The following MGAM2 variants were observed in gnomAD, a reference collection of about 807,000 sequenced individuals.
MGAM2 encodes the protein maltase-glucoamylase 2 (putative).
In MGAM2, 98 loss-of-function variants were observed where a neutral mutation model predicts 96.1. The ratio of observed to expected loss-of-function variants is 1.02; its 90% CI spans 0.87 to 1.21. The LOEUF (loss-of-function observed/expected upper bound fraction) is 1.21, where lower values mean the gene tolerates loss of function less well. MGAM2 is among the 50% of genes most tolerant of loss of function. The pLI, the probability that MGAM2 is intolerant of heterozygous loss-of-function variation, is 0.00. For missense variants in MGAM2, 2,055 were observed against 1,182.4 expected, an observed-to-expected ratio of 1.74 and a Z score of -10.82; for synonymous variants, 749 against 414.8, an observed-to-expected ratio of 1.81 and a Z score of -9.79.
Position 142,161,153 on chromosome 7 carries a change from G to A in MGAM2, c.2374G>A (p.Ala792Thr), listed in dbSNP as rs767610531. 5.0e-5 allele frequency: 35 copies of A among 702,508 alleles called. 2 individuals are homozygous for A. The highest frequency in any genetic ancestry group is 2.8e-4 in the Admixed American group (14 of 49,984). The allele number at this position is 702,508 out of a possible 1,614,324, so 43.5% of individuals were successfully genotyped here. Reference sequence around the variant, plus strand: ...GAGGAATTCCCTGGGACTCATCATCGCCTTGGACTATAAGAGAGAAGCAAA... The same window carrying A: ...GAGGAATTCCCTGGGACTCATCATCACCTTGGACTATAAGAGAGAAGCAAA... ...SRRNSLGLII[A>T]LDYKREAKGE... Residue 792 changes from alanine (A) to threonine (T), a missense_variant, in exon 22 of 48, where the codon GCC becomes ACC. By Grantham distance (58) the Ala-to-Thr change is moderately conservative. Transcript: ENST00000477922.
rs1317199479 is a variant in MGAM2, at chr7:142,138,640, C to G, written c.1059C>G (p.Ser353Arg). 8.5e-6 allele frequency: 6 copies of G among 702,728 alleles called. No homozygotes were observed. The highest frequency in any genetic ancestry group is 2.0e-5 in the Admixed American group (1 of 49,976). 43.5% of individuals were successfully genotyped at this position (702,728 alleles called of 1,614,324 possible). The change falls in exon 10 of 48, where the codon AGC (serine) becomes AGG (arginine). Residue 353 changes from serine (S) to arginine (R), a missense_variant. Coordinates refer to ENST00000477922, the MANE Select transcript of MGAM2 (RefSeq NM_001293626.2). The part of the protein sequence containing the change: ...GGINKLKEVV[S>R]RNRLAEIPYD... ...TCAATAAATTGAAAGAAGTTGTAAG[C>G]CGAAATCGTTTAGCTGAGATACCAT...
rs781664787 is a variant in MGAM2 at position 142,160,202 on chromosome 7, T to G, written c.2289T>G (p.His763Gln). Reference protein sequence around the residue: ...MLLPGDKIGLHLRGGYIFPTQ... With the variant: ...MLLPGDKIGLQLRGGYIFPTQ... Reference sequence around the variant, plus strand: ...TCCCAGGTGACAAGATAGGACTTCATCTGCGAGGGGGCTACATATTTCCCA... The same window carrying G: ...TCCCAGGTGACAAGATAGGACTTCAGCTGCGAGGGGGCTACATATTTCCCA... Residue 763 changes from histidine to glutamine, a missense_variant, in exon 21 of 48, where the codon CAT (histidine) becomes CAG (glutamine). His to Gln is a conservative substitution (Grantham distance 24). Coordinates refer to ENST00000477922, the MANE Select transcript of MGAM2 (RefSeq NM_001293626.2). 1 of 702,734 alleles carries G rather than the reference T, an allele frequency of 1.4e-6. No individual in the cohort carries two copies. Among genetic ancestry groups the G allele is most frequent in the Non-Finnish European group, 2.6e-6 (1 of 384,846 alleles). The allele number at this position is 702,734 out of a possible 1,614,324, so 43.5% of individuals were successfully genotyped here. A position where few individuals can be genotyped will look rare whatever the true frequency, so the allele number is the denominator to read the frequency against.
At chr7:142,194,115 C>T (rs1796953514) in intron 37 of MGAM2, among the ~76,000 whole-genome samples, 2 of 151,946 alleles carry the variant, frequency 1.3e-5, no homozygotes, top group African/African-American at 4.8e-5. Flanking sequence ...TCACTGCAAC[C>T]TCCATCTCCT....
chr7:142,158,269 G>A lies in MGAM2; in HGVS notation c.2100G>A (p.Thr700=), dbSNP rs745884202. 6.7e-5 allele frequency: 47 copies of A among 702,990 alleles called. No individual in the cohort carries two copies. Among genetic ancestry groups the A allele is most frequent in the African/African-American group, 3.7e-4 (21 of 57,350 alleles). 43.5% of individuals were successfully genotyped at this position (702,990 alleles called of 1,614,324 possible). The change falls in exon 19 of 48, where the codon ACG becomes ACA. Residue 700 remains threonine, a synonymous_variant. Coordinates refer to ENST00000477922, the MANE Select transcript of MGAM2 (RefSeq NM_001293626.2). ...LVHEFYQDSA[T]WDVHEQFLWG... The stretch of plus-strand genomic sequence containing the variant: ...CTAGGTTCTACCAGGACTCAGCCAC[G>A]TGGGATGTGCATGAGCAGTTCTTAT...
chr7:142,132,463 AT>A (rs1794919363), intron 6 of MGAM2, among the ~76,000 whole-genome samples: 1 of 139,980 alleles, frequency 7.1e-6, no homozygotes, highest in African/African-American at 2.6e-5. Context: ...TTATATTTAA[AT>A]TATAAAATTA....
intron 31 of MGAM2, among the ~76,000 whole-genome samples, chr7:142,175,276 A>C (rs1410798547): frequency 6.6e-6 from 1 of 152,232 alleles, no homozygotes; most frequent in South Asian, 2.1e-4. Context: ...AACCCCAGAT[A>C]TACAATCCTG....
In MGAM2 at chr7:142,172,093, C is replaced by A; in HGVS notation, c.3352-5C>A. 2 of 720,410 alleles carry A rather than the reference C, an allele frequency of 2.8e-6. No homozygotes were observed. Among genetic ancestry groups the A allele is most frequent in the East Asian group, 2.6e-5 (1 of 38,946 alleles). The allele number at this position is 720,410 out of a possible 1,614,324, so 44.6% of individuals were successfully genotyped here. A position where few individuals can be genotyped will look rare whatever the true frequency, so the allele number is the denominator to read the frequency against. On this transcript the variant is annotated splice_polypyrimidine_tract_variant and splice_region_variant and intron_variant, in intron 28 of 47. Coordinates refer to ENST00000477922, the MANE Select transcript of MGAM2 (RefSeq NM_001293626.2). Reference sequence around the variant, plus strand: ...CTTTTTGTTTATTACCCTCGTGACTCCCAGTACAAGAAGAATTCCTATGGT... The same window carrying A: ...CTTTTTGTTTATTACCCTCGTGACTACCAGTACAAGAAGAATTCCTATGGT...
intron 3 of MGAM2, 47 bp downstream of exon 3, chr7:142,120,428 A>T (rs1291788268): frequency 1.4e-6 from 1 of 697,548 alleles, no homozygotes; most frequent in African/African-American, 1.8e-5. Context: ...GTGTTATTGA[A>T]AAGAAATGAA....
intron 46 of MGAM2, among the ~76,000 whole-genome samples, chr7:142,217,856 C>T (rs900828546): frequency 6.6e-6 from 1 of 152,086 alleles, no homozygotes; most frequent in Non-Finnish European, 1.5e-5. Flanking sequence ...GAGGCCGAGG[C>T]AGGAGGATCA....
At chr7:142,132,805 GTATAA>G (rs1305312364) in intron 6 of MGAM2, among the ~76,000 whole-genome samples, 2 of 122,538 alleles carry the variant, frequency 1.6e-5, no homozygotes, top group African/African-American at 3.3e-5. Context: ...ATATAATTAT[GTATAA>G]TATAATATAT....
chr7:142,214,965 G>T (rs144011096), intron 46 of MGAM2, among the ~76,000 whole-genome samples: 291 of 152,120 alleles, frequency 1.9e-3, no homozygotes, highest in African/African-American at 6.7e-3. Context: ...ATACCCAAAG[G>T]GTTATAAATC....
chr7:142,184,298 C>T (rs1341937182), intron 33 of MGAM2, among the ~76,000 whole-genome samples: 1 of 152,098 alleles, frequency 6.6e-6, no homozygotes, highest in African/African-American at 2.4e-5. Context: ...ATATTACCTT[C>T]TCAACTTACC....
At chr7:142,180,435 G>A (rs766259778) in intron 32 of MGAM2, among the ~76,000 whole-genome samples, 1 of 152,066 alleles carries the variant, frequency 6.6e-6, no homozygotes, top group Non-Finnish European at 1.5e-5. Flanking sequence ...TTCTAGATGT[G>A]AAGTTGGATT....
At chr7:142,176,645 G>C (rs1043455319) in intron 32 of MGAM2, among the ~76,000 whole-genome samples, 1 of 151,842 alleles carries the variant, frequency 6.6e-6, no homozygotes, top group African/African-American at 2.4e-5. Context: ...GGCAGGTATG[G>C]GATGGAGTGA....
chr7:142,141,060 A>C lies in MGAM2; in HGVS notation c.1258A>C (p.Asn420His). ...ISKNSNYEPY[N>H]NGSLKRVWIL... Reference sequence around the variant, plus strand: ...CAAAAACTCTAACTACGAGCCCTATAATAATGGAAGCCTAAAGAGAGTGTG... The same window carrying C: ...CAAAAACTCTAACTACGAGCCCTATCATAATGGAAGCCTAAAGAGAGTGTG... Residue 420 changes from asparagine to histidine, a missense_variant, in exon 12 of 48, where the codon AAT becomes CAT. Physicochemically the swap from Asn to His is moderately conservative, Grantham distance 68 (BLOSUM62 1). Transcript: ENST00000477922. 1.4e-6 allele frequency: 1 copy of C among 702,030 alleles called. No individual in the cohort carries two copies. Among genetic ancestry groups the C allele is most frequent in the South Asian group, 1.5e-5 (1 of 67,100 alleles). 43.5% of individuals were successfully genotyped at this position (702,030 alleles called of 1,614,324 possible).
chr7:142,220,570 T>C lies in MGAM2; in HGVS notation c.6059T>C (p.Ile2020Thr). The C allele has an allele frequency of 1.4e-6, 1 of 698,126 alleles. No individual in the cohort carries two copies. The highest frequency in any genetic ancestry group is 1.8e-5 in the African/African-American group (1 of 57,098). 43.2% of individuals were successfully genotyped at this position (698,126 alleles called of 1,614,324 possible). Reference protein sequence around the residue: ...SASTNATPVPITTTLFATSTI... With the variant: ...SASTNATPVPTTTTLFATSTI... ...AGCACTAATGCTACCCCTGTTCCTATCACAACCACACTTTTTGCAACAAGT... is the reference window on the plus strand; with the variant it reads ...AGCACTAATGCTACCCCTGTTCCTACCACAACCACACTTTTTGCAACAAGT... Residue 2020 changes from isoleucine to threonine, a missense_variant, in exon 48 of 48, where the codon ATC (isoleucine) becomes ACC (threonine). Physicochemically the swap from Ile to Thr is moderately conservative, Grantham distance 89. Coordinates refer to ENST00000477922, the MANE Select transcript of MGAM2 (RefSeq NM_001293626.2).
At chr7:142,142,003 AT>A (rs1795244497) in intron 12 of MGAM2, among the ~76,000 whole-genome samples, 1 of 152,176 alleles carries the variant, frequency 6.6e-6, no homozygotes, top group Admixed American at 6.5e-5. Context: ...ATTTACTCAA[AT>A]TGTTGCTTCA....
intron 33 of MGAM2, 33 bp downstream of exon 33, chr7:142,183,406 A>C: frequency 1.4e-6 from 1 of 697,956 alleles, no homozygotes; most frequent in Non-Finnish European, 2.6e-6. Context: ...ACAGTTAATT[A>C]ACATTACAAT....
At chr7:142,206,420 T>C (rs1797402159) in intron 45 of MGAM2, among the ~76,000 whole-genome samples, 1 of 152,122 alleles carries the variant, frequency 6.6e-6, no homozygotes. Flanking sequence ...AACTACATGA[T>C]CTCTAAATAT....
Sources: gnomAD v4.1 joint callset for allele counts (sites outside exome capture counted in the v4.1 genomes callset) on GRCh38, gnomAD v4.1.1 for gene constraint, MANE v1.5 for transcripts, NCBI Gene and HGNC (gene_info 2026-07-23, HGNC 2026-07-21) for gene names.